The following FRMD5 variants were observed in gnomAD, a reference collection of about 807,000 sequenced individuals.
The protein encoded by FRMD5 is FERM domain containing 5, also known as FERM domain-containing protein 5.
FRMD5 carries 20 observed loss-of-function variants against 69.0 expected under a neutral mutation model. That is an observed-to-expected ratio of 0.29 (90% CI 0.20 to 0.42). The LOEUF is 0.42. Among genes scored for constraint, FRMD5 ranks in the 10% least tolerant of loss-of-function variants. The probability of loss-of-function intolerance (pLI) is 1.00; values close to 1 mark genes in which losing one functional copy is unlikely to be tolerated. For synonymous variants in FRMD5, 271 were observed against 260.1 expected, an observed-to-expected ratio of 1.04 and a Z score of -0.40; for missense variants, 595 against 708.6, an observed-to-expected ratio of 0.84 and a Z score of 1.82.
chr15:43,906,625 G>A (rs933052121), intron 5 of FRMD5, among the ~76,000 whole-genome samples: 11 of 151,866 alleles, frequency 7.2e-5, no homozygotes, highest in African/African-American at 1.2e-4. Flanking sequence ...GTTTTTAGAC[G>A]GAGTCTCACT....
chr15:44,007,637 A>ATTTTTTTTTTTTTTTTTTTTTTTT (rs35512441), intron 1 of FRMD5, among the ~76,000 whole-genome samples: 4 of 81,144 alleles, frequency 4.9e-5, no homozygotes, highest in Non-Finnish European at 8.7e-5. Context: ...TAATTAACTA[A>ATTTTTTTTTTTTTTTTTTTTTTTT]TTTTTTTTTT....
intron 1 of FRMD5, among the ~76,000 whole-genome samples, chr15:43,932,806 G>T (rs76543985): frequency 0.017 from 2,617 of 152,286 alleles, 61 homozygotes; most frequent in East Asian, 0.062. Context: ...AGAGGGATGG[G>T]CAAGTAGGGC....
chr15:44,100,681 T>G (rs2076625931), intron 1 of FRMD5, among the ~76,000 whole-genome samples: 2 of 152,054 alleles, frequency 1.3e-5, no homozygotes, highest in South Asian at 4.1e-4. Context: ...TGCAAGGAGG[T>G]GCTATCTCCC....
chr15:43,997,074 G>A (rs1439262005), intron 1 of FRMD5, among the ~76,000 whole-genome samples: 1 of 152,054 alleles, frequency 6.6e-6, no homozygotes, highest in African/African-American at 2.4e-5. Flanking sequence ...GTCATGATGA[G>A]AAGAAAGAAA....
rs115614790 is a variant in FRMD5, at chr15:44,136,776, T to G, written c.102+58177A>C. On this transcript the variant is annotated intron_variant, in intron 1 of 13. Transcript: ENST00000417257. ...AGACAACCTTGCAATCAATAATGGT[T>G]TTACATACCAAGGAACAAAACGAAA... 4.7e-3 allele frequency among the ~76,000 whole-genome samples: 712 copies of G among 152,258 alleles called. 11 individuals carry two copies. The highest frequency in any genetic ancestry group is 0.016 in the African/African-American group (680 of 41,552).
intron 7 of FRMD5, chr15:43,901,919 A>C: frequency 2.2e-6 from 1 of 447,162 alleles, no homozygotes; most frequent in East Asian, 4.2e-5. Context: ...CAAATTACCC[A>C]TTGCGGGGCC....
At chr15:43,898,215 C>T (rs776131404) in intron 7 of FRMD5, among the ~76,000 whole-genome samples, 3 of 152,122 alleles carry the variant, frequency 2.0e-5, no homozygotes, top group African/African-American at 4.8e-5. Context: ...TGAAAAAGCA[C>T]AGCACTGAGA....
intron 1 of FRMD5, among the ~76,000 whole-genome samples, chr15:44,166,932 G>C (rs567776107): frequency 5.9e-5 from 9 of 152,000 alleles, no homozygotes; most frequent in Non-Finnish European, 1.2e-4. Flanking sequence ...TTTTTATCTA[G>C]TCAGTATGTC....
intron 1 of FRMD5, among the ~76,000 whole-genome samples, chr15:44,055,706 G>A (rs1375912724): frequency 6.6e-6 from 1 of 152,184 alleles, no homozygotes; most frequent in African/African-American, 2.4e-5. Context: ...CAAGGTAGAT[G>A]TGGCACAATC....
intron 1 of FRMD5, among the ~76,000 whole-genome samples, chr15:44,170,365 A>G (rs1363641522): frequency 6.6e-6 from 1 of 152,152 alleles, no homozygotes; most frequent in African/African-American, 2.4e-5. Context: ...TCTACTAAAA[A>G]TACAAAAGTT....
At chr15:44,058,407 T>A (rs774962829) in intron 1 of FRMD5, among the ~76,000 whole-genome samples, 2 of 152,180 alleles carry the variant, frequency 1.3e-5, no homozygotes, top group Non-Finnish European at 2.9e-5. Flanking sequence ...CATGAAATGT[T>A]CTAAAATTAT....
At chr15:43,906,755 C>T (rs2089183294) in intron 5 of FRMD5, among the ~76,000 whole-genome samples, 1 of 135,612 alleles carries the variant, frequency 7.4e-6, no homozygotes. Flanking sequence ...GCGCCTGCCA[C>T]CTCGCCCGGC....
intron 1 of FRMD5, among the ~76,000 whole-genome samples, chr15:44,071,735 C>T (rs935499228): frequency 1.3e-5 from 2 of 152,274 alleles, no homozygotes; most frequent in African/African-American, 4.8e-5. Flanking sequence ...GCCTATGAAG[C>T]TACATTGGAC....
intron 13 of FRMD5, among the ~76,000 whole-genome samples, chr15:43,875,057 G>A (rs559801047): frequency 3.3e-5 from 5 of 152,232 alleles, no homozygotes; most frequent in African/African-American, 4.8e-5. Context: ...AATCAGCCAC[G>A]TGTGGTGGCG....
chr15:44,015,493 A>G (rs1468654511), intron 1 of FRMD5, among the ~76,000 whole-genome samples: 1 of 152,172 alleles, frequency 6.6e-6, no homozygotes, highest in Non-Finnish European at 1.5e-5. Flanking sequence ...AGAATATAAA[A>G]TATATCTTCT....
chr15:44,108,965 A>AAAAATAAAAAT (rs2076758308), intron 1 of FRMD5, among the ~76,000 whole-genome samples: 3 of 136,862 alleles, frequency 2.2e-5, no homozygotes, highest in African/African-American at 8.5e-5. Context: ...CTCTCTAAAT[A>AAAAATAAAAAT]AAAATAAAAT....
intron 1 of FRMD5, among the ~76,000 whole-genome samples, chr15:44,173,406 G>C (rs2077838321): frequency 6.6e-6 from 1 of 152,074 alleles, no homozygotes; most frequent in Admixed American, 6.6e-5. Flanking sequence ...TGAAAGAGGA[G>C]GAGGGGGACT....
At chr15:44,119,607 C>G (rs962710210) in intron 1 of FRMD5, among the ~76,000 whole-genome samples, 1 of 152,106 alleles carries the variant, frequency 6.6e-6, no homozygotes, top group African/African-American at 2.4e-5. Context: ...ATCCTTTCAT[C>G]AGAGCAGGTT....
intron 1 of FRMD5, among the ~76,000 whole-genome samples, chr15:44,087,504 AGTATAGGTTTT>A (rs1894249593): frequency 6.6e-6 from 1 of 152,146 alleles, no homozygotes; most frequent in African/African-American, 2.4e-5. Flanking sequence ...AGTAGTTTAA[AGTATAGGTTTT>A]CCTGCAATAT....
Sources: allele counts gnomAD v4.1 joint callset (sites outside exome capture counted in the v4.1 genomes callset), GRCh38; gene constraint gnomAD v4.1.1; transcripts MANE v1.5; gene names NCBI Gene and HGNC (gene_info 2026-07-23, HGNC 2026-07-21).